Variants in PBRM1 observed in about 807,000 individuals in gnomAD.
PBRM1 encodes protein polybromo-1.
PBRM1 carries 27 observed loss-of-function variants against 194.5 expected under a neutral mutation model. That is an observed-to-expected ratio of 0.14 (90% CI 0.10 to 0.19). The LOEUF (loss-of-function observed/expected upper bound fraction) is 0.19, where lower values mean the gene tolerates loss of function less well. Among genes scored for constraint, PBRM1 ranks in the 10% least tolerant of loss-of-function variants. The pLI is 1.00. For missense variants in PBRM1, 1,466 were observed against 2,077.2 expected, an observed-to-expected ratio of 0.71 and a Z score of 5.72; for synonymous variants, 655 against 693.2, an observed-to-expected ratio of 0.94 and a Z score of 0.87.
intron 17 of PBRM1, among the ~76,000 whole-genome samples, chr3:52,589,683 G>A (rs2092821401): frequency 6.6e-6 from 1 of 151,874 alleles, no homozygotes; most frequent in Non-Finnish European, 1.5e-5. Context: ...ACACGAATAT[G>A]ACACATTTAA....
intron 17 of PBRM1, among the ~76,000 whole-genome samples, chr3:52,596,986 T>C (rs1247072577): frequency 1.3e-5 from 2 of 152,144 alleles, no homozygotes; most frequent in African/African-American, 4.8e-5. Context: ...GTGGCAAGGC[T>C]TGCTGGAACC....
chr3:52,682,370 A>C (rs2097217740), upstream of PBRM1: 1 of 138,002 alleles, frequency 7.2e-6, no homozygotes, highest in East Asian at 2.1e-4. Context: ...AAATTTGACA[A>C]GGTTAAAAAA....
chr3:52,599,145 G>A (rs772551087), intron 17 of PBRM1, among the ~76,000 whole-genome samples: 6 of 151,944 alleles, frequency 3.9e-5, no homozygotes, highest in African/African-American at 7.3e-5. Context: ...AGCCATGATC[G>A]TGCCACTGCA....
intron 2 of PBRM1, among the ~76,000 whole-genome samples, chr3:52,677,781 G>T (rs1363080799): frequency 6.6e-6 from 1 of 151,530 alleles, no homozygotes; most frequent in Non-Finnish European, 1.5e-5. Flanking sequence ...GGCTGGTCTC[G>T]AACTCCTGGC....
At chr3:52,591,932 T>G (rs1296046066) in intron 17 of PBRM1, among the ~76,000 whole-genome samples, 1 of 144,814 alleles carries the variant, frequency 6.9e-6, no homozygotes, top group African/African-American at 2.6e-5. Context: ...GTTCAAGCAA[T>G]TCTCCTGCCT....
chr3:52,625,298 A>G (rs1464716451), intron 13 of PBRM1, among the ~76,000 whole-genome samples: 1 of 152,230 alleles, frequency 6.6e-6, no homozygotes, highest in African/African-American at 2.4e-5. Flanking sequence ...CTGACTTCTG[A>G]AGAAATCTCT....
Position 52,563,549 on chromosome 3 carries a change from C to T in PBRM1, c.3876-56G>A, listed in dbSNP as rs1002958934. ...CACCTAATGCCCCTCCAGAATAAGCCGGAAAGCAGTGTTCCACCTTAACAA... is the reference window on the plus strand; with the variant it reads ...CACCTAATGCCCCTCCAGAATAAGCTGGAAAGCAGTGTTCCACCTTAACAA... On this transcript the variant is annotated intron_variant, in intron 23 of 29. Coordinates refer to ENST00000296302, the Ensembl canonical transcript of PBRM1. 2.2e-5 allele frequency: 28 copies of T among 1,256,580 alleles called. 1 individual carries two copies. Among genetic ancestry groups the T allele is most frequent in the South Asian group, 1.7e-4 (14 of 82,232 alleles). 77.8% of individuals were successfully genotyped at this position (1,256,580 alleles called of 1,614,324 possible).
chr3:52,546,496 C>CT (rs2079694770), downstream of PBRM1: 11 of 229,830 alleles, frequency 4.8e-5, no homozygotes, highest in East Asian at 6.9e-4. Context: ...ATACAAGAGA[C>CT]TTTTTTCCAT....
chr3:52,619,919 CTCA>C (rs1285297522), intron 13 of PBRM1, among the ~76,000 whole-genome samples: 1 of 152,166 alleles, frequency 6.6e-6, no homozygotes, highest in Non-Finnish European at 1.5e-5. Flanking sequence ...TGGGATCATC[CTCA>C]TAACTTGTGT....
intron 13 of PBRM1, among the ~76,000 whole-genome samples, chr3:52,625,586 T>G (rs1242899993): frequency 6.6e-6 from 1 of 151,884 alleles, no homozygotes; most frequent in Non-Finnish European, 1.5e-5. Flanking sequence ...TTTTTTTTTT[T>G]TTTTTGAGAC....
exon 10 of PBRM1, chr3:52,642,034 G>A (rs2153707965): frequency 3.2e-6 from 5 of 1,546,574 alleles, no homozygotes; most frequent in Non-Finnish European, 3.6e-6. Flanking sequence ...TCCTTGTACT[G>A]CTCTTTTATT....
intron 4 of PBRM1, among the ~76,000 whole-genome samples, chr3:52,660,545 T>C (rs1291437562): frequency 6.6e-6 from 1 of 152,062 alleles, no homozygotes; most frequent in East Asian, 1.9e-4. Context: ...CAGAGTCTCA[T>C]TCTAAGACCC....
chr3:52,561,990 T>G, intron 24 of PBRM1, 22 bp from the exon 27 acceptor site: 4 of 1,576,588 alleles, frequency 2.5e-6, no homozygotes, highest in Non-Finnish European at 3.5e-6. Flanking sequence ...AAAGGTCTTA[T>G]GGTGCATCAA....
intron 1 of PBRM1, chr3:52,685,459 G>C (rs1395975876): frequency 1.3e-5 from 2 of 152,278 alleles, no homozygotes; most frequent in Non-Finnish European, 2.9e-5. Flanking sequence ...TGGGGACTGA[G>C]GGAAACGTTG....
downstream of PBRM1, chr3:52,545,468 G>C (rs564250466): frequency 9.9e-5 from 23 of 232,812 alleles, no homozygotes; most frequent in Admixed American, 1.1e-3. Context: ...GTAAACCTCA[G>C]ATGATATGAT....
exon 29 of PBRM1, chr3:52,550,580 G>C (rs767731304): frequency 5.8e-6 from 9 of 1,540,978 alleles, no homozygotes; most frequent in Non-Finnish European, 7.0e-6. Context: ...GGTCCAGCTG[G>C]ATGTGGGCCG....
chr3:52,644,912 T>G, intron 7 of PBRM1, 123 bp from the exon 9 acceptor site: 2 of 484,146 alleles, frequency 4.1e-6, no homozygotes, highest in Non-Finnish European at 7.4e-6. Context: ...TTCCATTCAA[T>G]ACCCACAAAG....
At chr3:52,675,257 T>C (rs1410492969) in intron 2 of PBRM1, among the ~76,000 whole-genome samples, 2 of 152,194 alleles carry the variant, frequency 1.3e-5, no homozygotes, top group East Asian at 3.8e-4. Flanking sequence ...CCTAGACTGA[T>C]AGCTTCACTG....
At chr3:52,685,573 G>C (rs539651281) in intron 1 of PBRM1, 176 bp downstream of exon 1, 4 of 150,980 alleles carry the variant, frequency 2.6e-5, no homozygotes, top group Non-Finnish European at 5.9e-5. Flanking sequence ...AAGGCTACTG[G>C]GCCCATCCGG....
Sources: gnomAD v4.1 joint callset for allele counts (sites outside exome capture counted in the v4.1 genomes callset) on GRCh38, gnomAD v4.1.1 for gene constraint, MANE v1.5 for transcripts, NCBI Gene and HGNC (gene_info 2026-07-23, HGNC 2026-07-21) for gene names.